Variants in IL1RAPL1 observed in about 807,000 individuals in gnomAD.
IL1RAPL1 encodes the protein interleukin-1 receptor accessory protein-like 1.
A neutral mutation model predicts 48.4 loss-of-function variants in IL1RAPL1; 3 were observed. The observed-to-expected ratio is 0.06, with a 90% CI of 0.03 to 0.16. IL1RAPL1 has a LOEUF of 0.16. Among genes scored for constraint, IL1RAPL1 ranks in the 10% least tolerant of loss-of-function variants. IL1RAPL1 has a pLI of 1.00. For synonymous variants in IL1RAPL1, 185 were observed against 187.7 expected, an observed-to-expected ratio of 0.99 and a Z score of 0.12; for missense variants, 349 against 530.6, an observed-to-expected ratio of 0.66 and a Z score of 3.36.
chrX:29,552,835 A>G (rs1264624362), intron 5 of IL1RAPL1, among the ~76,000 whole-genome samples: 1 of 16,763 alleles, frequency 6.0e-5, no homozygotes, highest in African/African-American at 2.4e-4. Context: ...TTTGCATTTC[A>G]GTTTGGCAAG....
chrX:29,924,437 T>C (rs1932869570), intron 8 of IL1RAPL1, among the ~76,000 whole-genome samples: 1 of 112,478 alleles, frequency 8.9e-6, no homozygotes, highest in African/African-American at 3.2e-5. Flanking sequence ...TAATGATGAC[T>C]AAGAACCTAC....
chrX:29,822,369 G>A (rs983496704), intron 6 of IL1RAPL1, among the ~76,000 whole-genome samples: 1 of 110,630 alleles, frequency 9.0e-6, no homozygotes, highest in African/African-American at 3.3e-5. Flanking sequence ...CAGATAATGA[G>A]GTTATTAAAA....
intron 5 of IL1RAPL1, among the ~76,000 whole-genome samples, chrX:29,528,493 T>C (rs1935577800): frequency 8.9e-6 from 1 of 112,778 alleles, no homozygotes; most frequent in Admixed American, 9.4e-5. Context: ...TTCTGTGCTG[T>C]GTAAAAAATT....
intron 6 of IL1RAPL1, among the ~76,000 whole-genome samples, chrX:29,698,780 A>G (rs1926979987): frequency 3.6e-5 from 4 of 112,302 alleles, no homozygotes; most frequent in Non-Finnish European, 5.6e-5. Context: ...CGTCAACATT[A>G]GAAGGAAGGA....
At chrX:29,228,878 C>G (rs1200012943) in intron 2 of IL1RAPL1, among the ~76,000 whole-genome samples, 1 of 111,325 alleles carries the variant, frequency 9.0e-6, no homozygotes, top group East Asian at 2.8e-4. Flanking sequence ...TGAAGATCAC[C>G]AAATTTCAAG....
At chrX:29,562,145 T>G (rs990330148) in intron 5 of IL1RAPL1, among the ~76,000 whole-genome samples, 1 of 98,800 alleles carries the variant, frequency 1.0e-5, no homozygotes, top group African/African-American at 4.1e-5. Flanking sequence ...TATCTATCTA[T>G]CTATCTATCT....
chrX:29,102,293 C>T (rs1333149298), intron 2 of IL1RAPL1, among the ~76,000 whole-genome samples: 1 of 112,119 alleles, frequency 8.9e-6, no homozygotes, highest in East Asian at 2.8e-4. Context: ...TTCACCACTG[C>T]TATTCAGTGT....
intron 2 of IL1RAPL1, among the ~76,000 whole-genome samples, chrX:29,259,036 G>A (rs1569271617): frequency 9.0e-6 from 1 of 111,009 alleles, no homozygotes; most frequent in Non-Finnish European, 1.9e-5. Context: ...TCAGACCTTA[G>A]CTTCTCTTTG....
chrX:29,272,279 G>C (rs1932052462), intron 2 of IL1RAPL1, among the ~76,000 whole-genome samples: 1 of 111,395 alleles, frequency 9.0e-6, no homozygotes, highest in Non-Finnish European at 1.9e-5. Context: ...TTTTGTACCA[G>C]TGCCATGCTG....
chrX:28,789,485 C>T, intron 2 of IL1RAPL1, 60 bp downstream of exon 2: 2 of 818,789 alleles, frequency 2.4e-6, no homozygotes, highest in Non-Finnish European at 3.7e-6. Context: ...AGTGCTACAT[C>T]TACACATGTG....
Position 29,593,222 on chromosome X carries a change from T to C in IL1RAPL1, c.704-75208T>C, listed in dbSNP as rs749655980. ...TCCCTCCTCCTCCACTTTATCCCAT[T>C]CTCCAGCCCCTCGTTAGTCAGGCTT... On this transcript the variant is annotated intron_variant, in intron 5 of 10. Coordinates refer to ENST00000378993, the MANE Select transcript of IL1RAPL1 (RefSeq NM_014271.4). Among the ~76,000 whole-genome samples the C allele has an allele frequency of 3.9e-4, 43 of 111,208 alleles. 1 individual carries two copies. The highest frequency in any genetic ancestry group is 1.3e-3 in the African/African-American group (41 of 30,572).
chrX:28,893,180 G>T (rs907713834), intron 2 of IL1RAPL1, among the ~76,000 whole-genome samples: 1 of 111,371 alleles, frequency 9.0e-6, no homozygotes, highest in Non-Finnish European at 1.9e-5. Context: ...GACTGGGGCC[G>T]AATAAAAAGG....
At chrX:29,735,607 T>C (rs557482880) in intron 6 of IL1RAPL1, among the ~76,000 whole-genome samples, 19 of 112,020 alleles carry the variant, frequency 1.7e-4, no homozygotes, top group African/African-American at 5.8e-4. Context: ...TTGGAATAAG[T>C]TCCAGACTCA....
Position 29,955,887 on chromosome X carries a change from A to G in IL1RAPL1, c.*67A>G, listed in dbSNP as rs1157474359. 2.4e-6 allele frequency: 2 copies of G among 833,384 alleles called. No homozygotes were observed. The highest frequency in any genetic ancestry group is 3.6e-6 in the Non-Finnish European group (2 of 555,394). The allele number at this position is 833,384 out of a possible 1,213,427, so 68.7% of individuals were successfully genotyped here. A position where few individuals can be genotyped will look rare whatever the true frequency, so the allele number is the denominator to read the frequency against. On this transcript the variant is annotated 3_prime_UTR_variant, in exon 11 of 11. Coordinates refer to ENST00000378993, the MANE Select transcript of IL1RAPL1 (RefSeq NM_014271.4). ...AATCTGCAGTCCAGTGCCTGGAACT[A>G]AATCCTCGACTGCTGCTGTTAAAAA...
intron 2 of IL1RAPL1, among the ~76,000 whole-genome samples, chrX:28,953,459 A>G (rs1924524164): frequency 8.9e-6 from 1 of 111,769 alleles, no homozygotes; most frequent in Non-Finnish European, 1.9e-5. Context: ...AAAGACCAAG[A>G]AAATGTGTAT....
chrX:28,662,834 C>G (rs1000768916), intron 1 of IL1RAPL1, among the ~76,000 whole-genome samples: 1 of 111,378 alleles, frequency 9.0e-6, no homozygotes, highest in Non-Finnish European at 1.9e-5. Flanking sequence ...ATTTTGGAAT[C>G]ACATTCATGC....
At chrX:29,245,710 C>G (rs1009497353) in intron 2 of IL1RAPL1, among the ~76,000 whole-genome samples, 12 of 111,894 alleles carry the variant, frequency 1.1e-4, no homozygotes, top group Non-Finnish European at 1.3e-4. Context: ...CAAAAATTTT[C>G]TCCCATTCTG....
chrX:29,383,814 C>G (rs956797716), intron 3 of IL1RAPL1, among the ~76,000 whole-genome samples: 9 of 111,701 alleles, frequency 8.1e-5, no homozygotes, highest in African/African-American at 2.9e-4. Flanking sequence ...TAAAAAAGTT[C>G]CCTTCCCCAA....
At chrX:29,320,336 A>G (rs1024424276) in intron 3 of IL1RAPL1, among the ~76,000 whole-genome samples, 25 of 112,275 alleles carry the variant, frequency 2.2e-4, no homozygotes, top group Non-Finnish European at 4.7e-4. Flanking sequence ...TGCCTTATCT[A>G]TTAATTATAT....
Sources: gnomAD v4.1 joint callset for allele counts (sites outside exome capture counted in the v4.1 genomes callset) on GRCh38, gnomAD v4.1.1 for gene constraint, MANE v1.5 for transcripts, NCBI Gene and HGNC (gene_info 2026-07-23, HGNC 2026-07-21) for gene names.